Variants in ITGB5 observed in about 807,000 individuals in gnomAD.
The protein encoded by ITGB5 is integrin subunit beta 5.
A neutral mutation model predicts 84.8 loss-of-function variants in ITGB5; 38 were observed. The ratio of observed to expected loss-of-function variants is 0.45; its 90% CI spans 0.35 to 0.59. The LOEUF (loss-of-function observed/expected upper bound fraction) is 0.59. ITGB5 is among the 20% of genes least tolerant of loss of function. The pLI is 0.01. For synonymous variants in ITGB5, 393 were observed against 414.4 expected (o/e 0.95, Z 0.63); for missense variants, 905 against 1,034.5 (o/e 0.87, Z 1.72).
At chr3:124,849,693 G>A (rs2065126665) in intron 3 of ITGB5, among the ~76,000 whole-genome samples, 1 of 152,068 alleles carries the variant, frequency 6.6e-6, no homozygotes, top group Non-Finnish European at 1.5e-5. Context: ...TTAATTCAGA[G>A]GAAAAGAACA....
intron 5 of ITGB5, among the ~76,000 whole-genome samples, chr3:124,828,660 T>C (rs2107574396): frequency 6.6e-6 from 1 of 152,378 alleles, no homozygotes; most frequent in South Asian, 2.1e-4. Flanking sequence ...TCAATATGTG[T>C]AGCTCATTGT....
At chr3:124,801,958 G>A (rs142646134) in intron 9 of ITGB5, among the ~76,000 whole-genome samples, 9 of 152,334 alleles carry the variant, frequency 5.9e-5, no homozygotes, top group African/African-American at 1.9e-4. Flanking sequence ...ATGCACATGG[G>A]AGGCCCACTG....
At chr3:124,829,671 A>G (rs2064832353) in intron 5 of ITGB5, among the ~76,000 whole-genome samples, 1 of 152,118 alleles carries the variant, frequency 6.6e-6, no homozygotes, top group South Asian at 2.1e-4. Flanking sequence ...TGATCTCACC[A>G]TCCCAAGGGA....
chr3:124,764,757 C>G (rs972269420), intron 13 of ITGB5, among the ~76,000 whole-genome samples, 200 bp from the exon 14 acceptor site: 1 of 152,240 alleles, frequency 6.6e-6, no homozygotes, highest in African/African-American at 2.4e-5. Flanking sequence ...TAAAGTCACA[C>G]AGCAAGTGTG....
chr3:124,874,885 C>T (rs1934236137), intron 1 of ITGB5, among the ~76,000 whole-genome samples: 1 of 152,166 alleles, frequency 6.6e-6, no homozygotes, highest in Non-Finnish European at 1.5e-5. Flanking sequence ...AAATATAACA[C>T]CTGAAATGTA....
rs781059941 is a variant in ITGB5 at position 124,841,546 on chromosome 3, T to G, written c.617A>C (p.Lys206Thr). 1 of 1,613,694 alleles carries G rather than the reference T, an allele frequency of 6.2e-7. No homozygotes were observed. The highest frequency in any genetic ancestry group is 8.5e-7 in the Non-Finnish European group (1 of 1,179,754). The change falls in exon 5 of 15, where the codon AAG (lysine) becomes ACG (threonine). Residue 206 changes from lysine (K) to threonine (T), a missense_variant. Physicochemically the swap from Lys to Thr is moderately conservative, Grantham distance 78. This residue lies in a region of ITGB5 where 656 missense variants were observed against 734.7 expected (regional missense o/e 0.89). Transcript: ENST00000296181. ...RYQTNPCIGY[K>T]LFPNCVPSFG... is the part of the protein sequence containing the mutation. ...GGAGGGGACGCAATTTGGAAACAAC[T>G]TGTAACTAGAGAGGAAGAAGAGAAG...
intron 9 of ITGB5, among the ~76,000 whole-genome samples, chr3:124,804,582 A>T (rs56243047): frequency 0.06 from 9,064 of 152,210 alleles, 422 homozygotes; most frequent in African/African-American, 0.12. Context: ...AATAAAGAAC[A>T]AAATACAGAA....
At chr3:124,815,770 C>G (rs1316582893) in intron 8 of ITGB5, among the ~76,000 whole-genome samples, 1 of 152,236 alleles carries the variant, frequency 6.6e-6, no homozygotes, top group Non-Finnish European at 1.5e-5. Context: ...ATCCCAAACC[C>G]TCTCTGGGTG....
At chr3:124,766,100 CCT>C in intron 13 of ITGB5, 124 bp downstream of exon 13, 1 of 912,712 alleles carries the variant, frequency 1.1e-6, no homozygotes, top group Non-Finnish European at 1.6e-6. Context: ...TTGTATCCCT[CCT>C]CTCCCTGCAG....
chr3:124,876,358 TA>T (rs149685135), intron 1 of ITGB5, among the ~76,000 whole-genome samples: 21 of 148,022 alleles, frequency 1.4e-4, no homozygotes, highest in South Asian at 6.5e-4. Context: ...AAATAGGGGT[TA>T]AAAAAAAAAC....
intron 10 of ITGB5, among the ~76,000 whole-genome samples, chr3:124,778,398 T>C (rs1384110342): frequency 6.6e-6 from 1 of 152,212 alleles, no homozygotes; most frequent in East Asian, 1.9e-4. Context: ...TCTTATAAAA[T>C]TGAATCCTGG....
At chr3:124,798,672 C>T (rs768727976) in intron 9 of ITGB5, among the ~76,000 whole-genome samples, 8 of 152,358 alleles carry the variant, frequency 5.3e-5, no homozygotes, top group South Asian at 4.1e-4. Flanking sequence ...GTGATCCACC[C>T]GCCTTGGCTT....
At chr3:124,839,583 G>A (rs2064984436) in intron 5 of ITGB5, among the ~76,000 whole-genome samples, 2 of 152,182 alleles carry the variant, frequency 1.3e-5, no homozygotes, top group South Asian at 2.1e-4. Context: ...TCCTCAAGGT[G>A]GGGAGATGAG....
chr3:124,825,310 A>G (rs763386097), intron 5 of ITGB5, among the ~76,000 whole-genome samples: 8 of 152,192 alleles, frequency 5.3e-5, no homozygotes, highest in Non-Finnish European at 1.2e-4. Flanking sequence ...AAAGTTACAT[A>G]TACACTTACT....
At chr3:124,891,572 C>G (rs561946969), upstream of ITGB5, among the ~76,000 whole-genome samples, 1 of 133,218 alleles carries the variant, frequency 7.5e-6, no homozygotes. Flanking sequence ...GTGAGCTATG[C>G]GACAGAGTGC....
rs573198987 is a variant in ITGB5, at chr3:124,843,489, C to T, written c.612-1938G>A. On this transcript the variant is annotated intron_variant, in intron 4 of 14. Coordinates refer to ENST00000296181, the MANE Select transcript of ITGB5 (RefSeq NM_002213.5). ...TGTTTTACCTCCTCCCTTTCACTCC[C>T]GCAAACAGCAATGAGCAGATACATT... Among the ~76,000 whole-genome samples, 21 of 152,296 alleles carry T rather than the reference C, an allele frequency of 1.4e-4. No individual in the cohort carries two copies. In the East Asian group the frequency reaches 3.5e-3, roughly 25 times the overall value.
At chr3:124,875,745 A>G (rs1934280700) in intron 1 of ITGB5, among the ~76,000 whole-genome samples, 1 of 152,216 alleles carries the variant, frequency 6.6e-6, no homozygotes, top group African/African-American at 2.4e-5. Flanking sequence ...AAGATATGCA[A>G]TCAACAGACA....
upstream of ITGB5, among the ~76,000 whole-genome samples, chr3:124,892,296 A>G (rs1935016832): frequency 6.6e-6 from 1 of 151,868 alleles, no homozygotes; most frequent in Non-Finnish European, 1.5e-5. Flanking sequence ...TCCTGGCCTC[A>G]GTTTGGGATA....
intron 2 of ITGB5, among the ~76,000 whole-genome samples, chr3:124,868,091 C>A (rs931569226): frequency 8.5e-5 from 13 of 152,148 alleles, no homozygotes; most frequent in African/African-American, 2.9e-4. Flanking sequence ...CTTCCTGACA[C>A]CTTGTGAAGA....
Sources: gnomAD v4.1 joint callset for allele counts (sites outside exome capture counted in the v4.1 genomes callset) on GRCh38, gnomAD v4.1.1 for gene constraint, gnomAD v4.1.1 regional missense constraint, MANE v1.5 for transcripts, NCBI Gene and HGNC (gene_info 2026-07-23, HGNC 2026-07-21) for gene names.